Variants in RANBP17 observed in about 807,000 individuals in gnomAD.
The protein encoded by RANBP17 is RAN binding protein 17.
RANBP17 carries 158 observed loss-of-function variants against 141.2 expected under a neutral mutation model. The observed-to-expected ratio is 1.12, with a 90% CI of 0.98 to 1.28. The LOEUF (loss-of-function observed/expected upper bound fraction) is 1.28, where lower values mean the gene tolerates loss of function less well. Among genes scored for constraint, RANBP17 ranks in the 50% most tolerant of loss-of-function variants. The pLI is 0.00. For missense variants in RANBP17, 1,438 were observed against 1,290.7 expected (o/e 1.11, Z -1.75); for synonymous variants, 430 against 450.0 (o/e 0.96, Z 0.56).
intron 14 of RANBP17, among the ~76,000 whole-genome samples, chr5:171,149,800 A>AT (rs902061426): frequency 3.3e-5 from 5 of 152,230 alleles, no homozygotes; most frequent in Non-Finnish European, 7.3e-5. Context: ...AGAAAGACAC[A>AT]TTTTTCCACC....
At chr5:171,118,669 T>C (rs1215192348) in intron 14 of RANBP17, among the ~76,000 whole-genome samples, 1 of 152,200 alleles carries the variant, frequency 6.6e-6, no homozygotes. Flanking sequence ...ATTTGCATTG[T>C]AAATATTATA....
intron 12 of RANBP17, among the ~76,000 whole-genome samples, chr5:170,942,521 T>C (rs1774411305): frequency 6.6e-6 from 1 of 152,118 alleles, no homozygotes; most frequent in African/African-American, 2.4e-5. Context: ...TAATAAAGTC[T>C]CCAAACAAAT....
chr5:171,107,079 C>A (rs950763272), intron 14 of RANBP17, among the ~76,000 whole-genome samples: 9 of 151,808 alleles, frequency 5.9e-5, no homozygotes, highest in Non-Finnish European at 4.4e-5. Context: ...TGGTGTGTAG[C>A]CATGGTTGAA....
chr5:170,965,154 G>A (rs957955394), intron 13 of RANBP17, among the ~76,000 whole-genome samples: 21 of 152,150 alleles, frequency 1.4e-4, no homozygotes, highest in African/African-American at 2.2e-4. Context: ...GCCAGTGATG[G>A]TGAGCATTTT....
At chr5:171,142,612 A>G (rs1444312310) in intron 14 of RANBP17, among the ~76,000 whole-genome samples, 1 of 152,228 alleles carries the variant, frequency 6.6e-6, no homozygotes, top group East Asian at 1.9e-4. Flanking sequence ...TAAGATGGCT[A>G]GTTGTGAATG....
At chr5:171,239,336 T>G (rs953931910) in intron 22 of RANBP17, among the ~76,000 whole-genome samples, 2 of 152,176 alleles carry the variant, frequency 1.3e-5, no homozygotes, top group African/African-American at 4.8e-5. Flanking sequence ...ACCTTTACCC[T>G]GTGCTGGTCC....
At chr5:170,909,562 T>C (rs1315208742) in intron 5 of RANBP17, 99 bp from the exon 6 acceptor site, 1 of 627,096 alleles carries the variant, frequency 1.6e-6, no homozygotes, top group Non-Finnish European at 2.7e-6. Context: ...ACTTGGGTTC[T>C]ACTCAAGTTT....
intron 14 of RANBP17, among the ~76,000 whole-genome samples, chr5:171,115,119 A>T (rs982459560): frequency 6.6e-6 from 1 of 152,098 alleles, no homozygotes; most frequent in East Asian, 1.9e-4. Flanking sequence ...AAAAAAACAA[A>T]AACTTTATGT....
intron 14 of RANBP17, among the ~76,000 whole-genome samples, chr5:171,016,790 T>TAA (rs952799275): frequency 6.7e-6 from 1 of 148,732 alleles, no homozygotes; most frequent in African/African-American, 2.5e-5. Flanking sequence ...ATGTCTTCTT[T>TAA]AAAAAAAAAA....
chr5:170,999,815 A>G (rs1779078069), intron 14 of RANBP17, among the ~76,000 whole-genome samples: 1 of 152,146 alleles, frequency 6.6e-6, no homozygotes, highest in African/African-American at 2.4e-5. Context: ...ATACATTCAT[A>G]TTGTTGTGCA....
At chr5:171,032,737 A>G (rs1342699813) in intron 14 of RANBP17, among the ~76,000 whole-genome samples, 3 of 152,124 alleles carry the variant, frequency 2.0e-5, no homozygotes, top group African/African-American at 4.8e-5. Context: ...ACAGCCCATC[A>G]TACATCATTA....
chr5:170,959,299 C>T (rs1775971114), intron 13 of RANBP17, among the ~76,000 whole-genome samples: 1 of 152,140 alleles, frequency 6.6e-6, no homozygotes, highest in Non-Finnish European at 1.5e-5. Flanking sequence ...ATATTTCTCC[C>T]ATTTTCTTAC....
chr5:171,060,615 T>C (rs1783758589), intron 14 of RANBP17, among the ~76,000 whole-genome samples: 2 of 152,184 alleles, frequency 1.3e-5, no homozygotes, highest in South Asian at 4.1e-4. Context: ...GATATTGGTC[T>C]AAAATTCTCT....
chr5:170,992,185 T>G (rs899204626), intron 14 of RANBP17, among the ~76,000 whole-genome samples: 18 of 152,050 alleles, frequency 1.2e-4, no homozygotes, highest in Non-Finnish European at 2.2e-4. Context: ...CATTTGTGTT[T>G]CCATCCATTC....
chr5:170,960,090 ATGT>A (rs887277739), intron 13 of RANBP17, among the ~76,000 whole-genome samples: 1 of 152,074 alleles, frequency 6.6e-6, no homozygotes, highest in Non-Finnish European at 1.5e-5. Context: ...TTACCTCTTG[ATGT>A]TGTTTGTTCT....
intron 14 of RANBP17, among the ~76,000 whole-genome samples, chr5:171,050,056 G>A (rs137930407): frequency 6.4e-4 from 97 of 152,144 alleles, no homozygotes; most frequent in African/African-American, 2.2e-3. Context: ...GTTGCTTTGG[G>A]CAGTATGGCC....
intron 14 of RANBP17, among the ~76,000 whole-genome samples, chr5:171,123,733 C>A (rs1410130434): frequency 6.6e-6 from 1 of 152,246 alleles, no homozygotes; most frequent in Non-Finnish European, 1.5e-5. Flanking sequence ...CCGCTAACAA[C>A]TGTGGCCTAA....
At chr5:170,873,565 G>A (rs1767930264) in intron 1 of RANBP17, among the ~76,000 whole-genome samples, 1 of 152,168 alleles carries the variant, frequency 6.6e-6, no homozygotes. Flanking sequence ...TCCTGGTTTA[G>A]TGTTGTGAGG....
intron 22 of RANBP17, among the ~76,000 whole-genome samples, chr5:171,224,697 C>T (rs746277321): frequency 1.3e-5 from 2 of 152,014 alleles, no homozygotes; most frequent in South Asian, 2.1e-4. Context: ...GGGGAAGAGA[C>T]AAAACGTCCA....
Sources: gnomAD v4.1 joint callset for allele counts (sites outside exome capture counted in the v4.1 genomes callset) on GRCh38, gnomAD v4.1.1 for gene constraint, MANE v1.5 for transcripts, NCBI Gene and HGNC (gene_info 2026-07-23, HGNC 2026-07-21) for gene names.